DCAF6: variants seen among roughly 807,000 people sequenced by gnomAD.
The protein encoded by DCAF6 is DDB1 and CUL4 associated factor 6, also known as DDB1- and CUL4-associated factor 6.
In DCAF6, 54 loss-of-function variants were observed where a neutral mutation model predicts 125.1. The ratio of observed to expected loss-of-function variants is 0.43; its 90% CI spans 0.35 to 0.54. The LOEUF (loss-of-function observed/expected upper bound fraction) is 0.54, where lower values mean the gene tolerates loss of function less well. DCAF6 is among the 20% of genes least tolerant of loss of function. The probability of loss-of-function intolerance (pLI) is 0.01; values close to 1 mark genes in which losing one functional copy is unlikely to be tolerated. For missense variants in DCAF6, 934 were observed against 1,161.7 expected (o/e 0.80, Z 2.85); for synonymous variants, 371 against 390.4 (o/e 0.95, Z 0.58).
At chr1:167,896,451 G>C in the DCAF6 span, 1 of 750,088 alleles carries the variant, frequency 1.3e-6, no homozygotes, top group African/African-American at 1.7e-5. Context: ...CCGGAGAATG[G>C]GAAGTAGGTC....
chr1:168,031,156 A>G (rs1481127587), intron 12 of DCAF6, among the ~76,000 whole-genome samples: 2 of 152,214 alleles, frequency 1.3e-5, no homozygotes, highest in African/African-American at 4.8e-5. Flanking sequence ...GAAGCCATGA[A>G]GTTAGATGGA....
At chr1:167,899,512 T>C in the DCAF6 span, 2 of 1,614,144 alleles carry the variant, frequency 1.2e-6, no homozygotes, top group Admixed American at 1.7e-5. Flanking sequence ...ATAACATCAT[T>C]CATCTGAGCC....
chr1:167,970,315 A>G (rs979913318), intron 3 of DCAF6, among the ~76,000 whole-genome samples: 6 of 152,122 alleles, frequency 3.9e-5, no homozygotes, highest in African/African-American at 1.4e-4. Flanking sequence ...ACTCTTTCTC[A>G]TTTCCAGCTT....
chr1:167,983,386 A>G (rs1464526507), intron 4 of DCAF6, among the ~76,000 whole-genome samples: 1 of 152,168 alleles, frequency 6.6e-6, no homozygotes, highest in Non-Finnish European at 1.5e-5. Flanking sequence ...TTAAATCTGC[A>G]TTCTTTTTCA....
the DCAF6 span, among the ~76,000 whole-genome samples, chr1:167,926,221 G>A: frequency 6.6e-6 from 1 of 152,194 alleles, no homozygotes; most frequent in African/African-American, 2.4e-5. Context: ...TCTAAAAACA[G>A]TGCTGAAACA....
At chr1:167,893,912 G>T in the DCAF6 span, 1 of 1,613,476 alleles carries the variant, frequency 6.2e-7, no homozygotes, top group African/African-American at 1.3e-5. Context: ...TCAGGATCAG[G>T]CTTCAGCGTG....
chr1:167,983,206 G>T (rs1239772157), intron 4 of DCAF6, among the ~76,000 whole-genome samples: 3 of 152,128 alleles, frequency 2.0e-5, no homozygotes, highest in Non-Finnish European at 4.4e-5. Context: ...GAAAAATGAT[G>T]TTGGTAGTTT....
intron 4 of DCAF6, among the ~76,000 whole-genome samples, chr1:167,975,923 T>C (rs1225168948): frequency 6.6e-6 from 1 of 152,172 alleles, no homozygotes; most frequent in East Asian, 1.9e-4. Flanking sequence ...TCCCATTTTT[T>C]GTGTTAAACT....
At chr1:167,916,914 T>G in the DCAF6 span, 5 of 152,252 alleles carry the variant, frequency 3.3e-5, no homozygotes, top group East Asian at 9.6e-4. Flanking sequence ...TTGTGGCCTA[T>G]GTCAAGCTCT....
intron 2 of DCAF6, among the ~76,000 whole-genome samples, chr1:167,963,025 C>T (rs1378933695): frequency 6.6e-6 from 1 of 151,688 alleles, no homozygotes; most frequent in Non-Finnish European, 1.5e-5. Context: ...TTTGGGAGGC[C>T]AAGGCGGGTG....
chr1:167,892,459 C>T, the DCAF6 span, among the ~76,000 whole-genome samples: 1 of 152,146 alleles, frequency 6.6e-6, no homozygotes, highest in Non-Finnish European at 1.5e-5. Flanking sequence ...TACCTCTTCA[C>T]CAGGTAAACA....
At chr1:167,913,203 G>A in the DCAF6 span, among the ~76,000 whole-genome samples, 1 of 152,172 alleles carries the variant, frequency 6.6e-6, no homozygotes, top group East Asian at 1.9e-4. Context: ...GCAAGCAGGC[G>A]AATGAGGCCC....
rs569493029 is a variant in DCAF6, at chr1:167,983,998, C to T, written c.439-3497C>T. Among the ~76,000 whole-genome samples, 17 of 152,288 alleles carry T rather than the reference C, an allele frequency of 1.1e-4. No individual in the cohort carries two copies. The South Asian group carries it at 3.5e-3, about 32-fold the overall frequency. On this transcript the variant is annotated intron_variant, in intron 4 of 21. Transcript: ENST00000367840. ...GTGACTTACAGTGGCTGCGAAGTTA[C>T]TGTTTTTTACAACTACCATAGTCGC... is the stretch of plus-strand genomic sequence containing the variant.
At chr1:167,900,700 T>G in the DCAF6 span, among the ~76,000 whole-genome samples, 1 of 152,228 alleles carries the variant, frequency 6.6e-6, no homozygotes, top group East Asian at 1.9e-4. Flanking sequence ...GCCTGGCTAA[T>G]TTTTGTATTT....
At chr1:168,038,546 T>C in intron 13 of DCAF6, 58 bp downstream of exon 13, 1 of 1,251,608 alleles carries the variant, frequency 8.0e-7, no homozygotes. Context: ...GTATTAGATT[T>C]TAATTTTTAA....
the DCAF6 span, among the ~76,000 whole-genome samples, chr1:167,872,041 A>C: frequency 6.6e-6 from 1 of 152,042 alleles, no homozygotes; most frequent in Non-Finnish European, 1.5e-5. Flanking sequence ...TAAATAAATA[A>C]AAAATAATAA....
intron 12 of DCAF6, among the ~76,000 whole-genome samples, chr1:168,034,557 T>C (rs1687558151): frequency 6.6e-6 from 1 of 152,192 alleles, no homozygotes; most frequent in Non-Finnish European, 1.5e-5. Flanking sequence ...GAGAAAAAAT[T>C]AAGCTTATTG....
At chr1:167,970,690 C>A (rs1044665052) in intron 3 of DCAF6, among the ~76,000 whole-genome samples, 6 of 151,788 alleles carry the variant, frequency 4.0e-5, no homozygotes, top group Admixed American at 6.6e-5. Flanking sequence ...ACCAATGATT[C>A]ATTATATAGG....
chr1:167,936,956 GA>G lies in DCAF6; in HGVS notation c.49del (p.Arg17GlyfsTer25). Reference sequence around the variant, plus strand: ...ACCCACACCTGTTGTGGGACGTGAGGAAAAGGTCCCTCGGGCTGGAGGACCC... The same window carrying G: ...ACCCACACCTGTTGTGGGACGTGAGGAAAGGTCCCTCGGGCTGGAGGACCC... Reference protein sequence around the residue: ...SYPHLLWDVRKRSLGLEDPSR... With the variant: ...SYPHLLWDVRXRSLGLEDPSR... On this transcript the variant is annotated frameshift_variant, in exon 1 of 22. Coordinates refer to ENST00000367840, the MANE Select transcript of DCAF6 (RefSeq NM_001198956.2). LOFTEE classifies it high-confidence loss of function. 6.2e-7 allele frequency: 1 copy of G among 1,611,104 alleles called. No homozygotes were observed. The highest frequency in any genetic ancestry group is 1.1e-5 in the South Asian group (1 of 90,400).
Sources: gnomAD v4.1 joint callset for allele counts (sites outside exome capture counted in the v4.1 genomes callset) on GRCh38, gnomAD v4.1.1 for gene constraint, MANE v1.5 for transcripts, NCBI Gene and HGNC (gene_info 2026-07-23, HGNC 2026-07-21) for gene names.